The following IWS1 variants were observed in gnomAD, a reference collection of about 807,000 sequenced individuals.
IWS1 encodes the protein interacts with SUPT6H, CTD assembly factor 1, also known as protein IWS1 homolog.
IWS1 carries 27 observed loss-of-function variants against 86.7 expected under a neutral mutation model. The ratio of observed to expected loss-of-function variants is 0.31; its 90% CI spans 0.23 to 0.43. IWS1 has a LOEUF of 0.43. Among genes scored for constraint, IWS1 ranks in the 20% least tolerant of loss-of-function variants. IWS1 has a pLI of 1.00. For missense variants in IWS1, 827 were observed against 1,000.8 expected (o/e 0.83, Z 2.34); for synonymous variants, 313 against 335.1 (o/e 0.93, Z 0.72).
chr2:127,487,942 C>T (rs1558740661), intron 12 of IWS1: 1 of 152,346 alleles, frequency 6.6e-6, no homozygotes, highest in Non-Finnish European at 1.5e-5. Flanking sequence ...CTTCTGAAGC[C>T]ACGGTCTCAT....
Position 127,499,017 on chromosome 2 carries a change from C to T in IWS1, c.1468-780G>A, listed in dbSNP as rs979056521. Among the ~76,000 whole-genome samples the T allele has an allele frequency of 1.3e-5, 2 of 152,034 alleles. No homozygotes were observed. The highest frequency in any genetic ancestry group is 2.9e-5 in the Non-Finnish European group (2 of 68,016). On this transcript the variant is annotated intron_variant, in intron 5 of 13. Coordinates refer to ENST00000295321, the MANE Select transcript of IWS1 (RefSeq NM_017969.3). The surrounding 1 kb of genome is among the most constrained non-coding windows in gnomAD (Gnocchi z 4.0). ...ATTAGATATAGCCCCCTACAAGTGACAGGAACTGTACAATCCCCACATTTG... is the reference window on the plus strand; with the variant it reads ...ATTAGATATAGCCCCCTACAAGTGATAGGAACTGTACAATCCCCACATTTG...
intron 12 of IWS1, among the ~76,000 whole-genome samples, chr2:127,487,682 C>T (rs1490449194): frequency 6.6e-6 from 1 of 152,120 alleles, no homozygotes; most frequent in Non-Finnish European, 1.5e-5. Context: ...TACAAAGTAG[C>T]TGGGACTACA....
At position 127,504,829 on chromosome 2, in the gene IWS1, T is replaced by C; in HGVS notation, c.1074A>G (p.Lys358=). 1 of 1,614,224 alleles carries C rather than the reference T, an allele frequency of 6.2e-7. No homozygotes were observed. ...SFHSDSHMDR[K]KFHSSDSEEE... ...CCTCACTATCAGAACTGTGAAACTTTTTTCTGTCCATATGGCTGTCTGAAT... is the reference window on the plus strand; with the variant it reads ...CCTCACTATCAGAACTGTGAAACTTCTTTCTGTCCATATGGCTGTCTGAAT... Residue 358 remains lysine, a synonymous_variant, in exon 3 of 14, where the codon AAA becomes AAG. Coordinates refer to ENST00000295321, the MANE Select transcript of IWS1 (RefSeq NM_017969.3).
Position 127,502,560 on chromosome 2 carries a change from T to C in IWS1, c.1467+255A>G, listed in dbSNP as rs77979885. On this transcript the variant is annotated intron_variant, in intron 5 of 13. Coordinates refer to ENST00000295321, the MANE Select transcript of IWS1 (RefSeq NM_017969.3). The stretch of plus-strand genomic sequence containing the variant: ...TCCCTAATTATTGTGAATCTTGCCC[T>C]TTAGCATTATAAAGTGACTTTCTTT... 613 of 290,710 alleles carry C rather than the reference T, an allele frequency of 2.1e-3. 5 individuals are homozygous for C. Among genetic ancestry groups the C allele is most frequent in the African/African-American group, 0.012 (540 of 46,342 alleles). 18.0% of individuals were successfully genotyped at this position (290,710 alleles called of 1,614,324 possible).
chr2:127,500,337 T>C (rs901950390), intron 5 of IWS1, among the ~76,000 whole-genome samples: 1 of 152,194 alleles, frequency 6.6e-6, no homozygotes, highest in African/African-American at 2.4e-5. Flanking sequence ...GTCAGTTACA[T>C]TTCTCTTAGA....
At chr2:127,504,299 T>C (rs6731270) in intron 3 of IWS1, among the ~76,000 whole-genome samples, 25,676 of 152,082 alleles carry the variant, frequency 0.17, 4,135 homozygotes, top group African/African-American at 0.42. Context: ...CTGTTACTGT[T>C]TGGATGGGAT....
rs954897960 is a variant in IWS1 at position 127,526,299 on chromosome 2, G to C, written c.-91C>G. 177 of 1,543,124 alleles carry C rather than the reference G, an allele frequency of 1.1e-4. No homozygotes were observed. Among genetic ancestry groups the C allele is most frequent in the Non-Finnish European group, 1.4e-4 (166 of 1,146,870 alleles). ...GTGTGACCCCGGATGGCGCGGCTAA[G>C]TGTTCAGAGACTGCCGCCCGACCGG... On this transcript the variant is annotated 5_prime_UTR_variant, in exon 1 of 14. Coordinates refer to ENST00000295321, the MANE Select transcript of IWS1 (RefSeq NM_017969.3).
At chr2:127,511,892 C>T (rs1242634646) in intron 2 of IWS1, among the ~76,000 whole-genome samples, 1 of 152,198 alleles carries the variant, frequency 6.6e-6, no homozygotes, top group Non-Finnish European at 1.5e-5. Context: ...GATGTACTCC[C>T]CCATAAGGAT....
intron 2 of IWS1, among the ~76,000 whole-genome samples, chr2:127,517,149 T>C (rs1048903815): frequency 2.0e-5 from 3 of 152,160 alleles, no homozygotes; most frequent in African/African-American, 7.2e-5. Context: ...GAACAGACTT[T>C]ACACTACCAA....
intron 2 of IWS1, among the ~76,000 whole-genome samples, chr2:127,508,438 G>A (rs945341819): frequency 6.6e-6 from 1 of 152,186 alleles, no homozygotes; most frequent in Admixed American, 6.5e-5. Context: ...GAGGCATACA[G>A]TACCAGCAGA....
chr2:127,493,575 T>C (rs1690346204), intron 8 of IWS1, among the ~76,000 whole-genome samples, 165 bp from the exon 9 acceptor site: 1 of 152,226 alleles, frequency 6.6e-6, no homozygotes, highest in Non-Finnish European at 1.5e-5. Context: ...CAGTATGACA[T>C]TTAGTTCTTA....
At chr2:127,523,594 G>T in intron 2 of IWS1, 82 bp downstream of exon 2, 1 of 888,932 alleles carries the variant, frequency 1.1e-6, no homozygotes, top group South Asian at 1.6e-5. Flanking sequence ...CTCTGTCACA[G>T]AGATTCTGTA....
chr2:127,511,950 A>G (rs1479041401), intron 2 of IWS1, among the ~76,000 whole-genome samples: 1 of 152,154 alleles, frequency 6.6e-6, no homozygotes, highest in Non-Finnish European at 1.5e-5. Context: ...TCCAAACAAG[A>G]GCAGACTTTT....
Position 127,518,860 on chromosome 2 carries a change from G to A in IWS1, c.150+4816C>T, listed in dbSNP as rs138523452. On this transcript the variant is annotated intron_variant, in intron 2 of 13. Transcript: ENST00000295321. Reference sequence around the variant, plus strand: ...GCTGGGATTACAGGCGTCAGTCACCGCACCCGGCCCAAGACAGGTGATCTT... The same window carrying A: ...GCTGGGATTACAGGCGTCAGTCACCACACCCGGCCCAAGACAGGTGATCTT... Among the ~76,000 whole-genome samples the A allele has an allele frequency of 9.6e-3, 1,459 of 152,116 alleles. 28 individuals are homozygous for A. Among genetic ancestry groups the A allele is most frequent in the African/African-American group, 0.033 (1,381 of 41,498 alleles).
rs771386945 is a variant in IWS1 at position 127,504,995 on chromosome 2, T to C, written c.908A>G (p.Glu303Gly). The C allele has an allele frequency of 4.3e-6, 7 of 1,613,970 alleles. No homozygotes were observed. The highest frequency in any genetic ancestry group is 1.3e-5 in the African/African-American group (1 of 75,014). ...AGGCCCCTTCTGAGGCCCCTCACTC[T>C]CAGAGTCACTGACTCGGGGTTTGGG... ...ELPKPRVSDS[E>G]SEGPQKGPAS... The change falls in exon 3 of 14, where the codon GAG (glutamate) becomes GGG (glycine). Residue 303 changes from glutamate (E) to glycine (G), a missense_variant. By Grantham distance (98) the Glu-to-Gly change is moderately conservative (BLOSUM62 -2). This residue lies in a region of IWS1 where 548 missense variants were observed against 560.2 expected (regional missense o/e 0.98). Transcript: ENST00000295321.
chr2:127,497,964 G>C (rs527315344), intron 6 of IWS1, among the ~76,000 whole-genome samples, 176 bp downstream of exon 6: 1 of 152,138 alleles, frequency 6.6e-6, no homozygotes, highest in Admixed American at 6.5e-5. Context: ...CAGGGTAAAT[G>C]AAAGACAAGT....
chr2:127,498,151 C>A lies in IWS1; in HGVS notation c.1554G>T (p.Lys518Asn). 5 of 1,582,254 alleles carry A rather than the reference C, an allele frequency of 3.2e-6. No individual in the cohort carries two copies. Among genetic ancestry groups the A allele is most frequent in the Non-Finnish European group, 4.3e-6 (5 of 1,151,642 alleles). ...AAAAACAAACTTACTGTTTTCCTCT[C>A]TTTATGTTATCATCAGAATCTGAAT... Reference protein sequence around the residue: ...AEDSDSDDNIKRGKHMDFLSD... With the variant: ...AEDSDSDDNINRGKHMDFLSD... Residue 518 changes from lysine to asparagine, a missense_variant, in exon 6 of 14, where the codon AAG (lysine) becomes AAT (asparagine). Physicochemically the swap from Lys to Asn is moderately conservative, Grantham distance 94. Transcript: ENST00000295321.
At position 127,526,306 on chromosome 2, in the gene IWS1, G is replaced by T; in HGVS notation, c.-98C>A. On this transcript the variant is annotated 5_prime_UTR_variant, in exon 1 of 14. In the 5' UTR this introduces an upstream ATG that the reference lacks. Transcript: ENST00000295321. The stretch of plus-strand genomic sequence containing the variant: ...CCCGGATGGCGCGGCTAAGTGTTCA[G>T]AGACTGCCGCCCGACCGGAGAACTT... The T allele has an allele frequency of 6.5e-7, 1 of 1,541,908 alleles. No individual in the cohort carries two copies. The highest frequency in any genetic ancestry group is 8.7e-7 in the Non-Finnish European group (1 of 1,146,810).
intron 5 of IWS1, chr2:127,498,676 T>C (rs983555608): frequency 6.5e-6 from 1 of 153,790 alleles, no homozygotes; most frequent in Non-Finnish European, 1.4e-5. Flanking sequence ...GTATATGAAA[T>C]TGCGAAATAC....
Sources: gnomAD v4.1 joint callset for allele counts (sites outside exome capture counted in the v4.1 genomes callset) on GRCh38, gnomAD v4.1.1 for gene constraint, gnomAD v4.1.1 regional missense constraint, Gnocchi (gnomAD v3.1) non-coding constraint, MANE v1.5 for transcripts, NCBI Gene and HGNC (gene_info 2026-07-23, HGNC 2026-07-21) for gene names.